WWOX: variants seen among roughly 807,000 people sequenced by gnomAD.
WWOX encodes WW domain-containing oxidoreductase.
In WWOX, 69 loss-of-function variants were observed where a neutral mutation model predicts 46.2. That is an observed-to-expected ratio of 1.49 (90% CI 1.23 to 1.82). The LOEUF (loss-of-function observed/expected upper bound fraction) is 1.82, where lower values mean the gene tolerates loss of function less well. Ranked by LOEUF, WWOX falls within the 40% of genes most tolerant of loss-of-function variation. The probability of loss-of-function intolerance (pLI) is 0.00; values close to 1 mark genes in which losing one functional copy is unlikely to be tolerated. For missense variants in WWOX, 919 were observed against 542.6 expected (o/e 1.69, Z -6.89); for synonymous variants, 359 against 202.6 (o/e 1.77, Z -6.56).
chr16:78,988,962 T>C (rs909205725), intron 8 of WWOX, among the ~76,000 whole-genome samples: 4 of 152,210 alleles, frequency 2.6e-5, no homozygotes, highest in Admixed American at 1.3e-4. Context: ...CTTCAGGAAC[T>C]AGGCAGGAGA....
intron 8 of WWOX, among the ~76,000 whole-genome samples, chr16:78,962,771 T>G (rs2046295403): frequency 6.6e-6 from 1 of 152,146 alleles, no homozygotes; most frequent in Non-Finnish European, 1.5e-5. Flanking sequence ...TTCTAACACC[T>G]CAGAAGGCTC....
intron 7 of WWOX, among the ~76,000 whole-genome samples, chr16:78,428,523 C>G (rs1420296552): frequency 6.6e-6 from 1 of 152,212 alleles, no homozygotes; most frequent in Non-Finnish European, 1.5e-5. Context: ...GCTGGTACTT[C>G]TCCATCTTGA....
chr16:79,075,764 C>T (rs1159505923), intron 8 of WWOX, among the ~76,000 whole-genome samples: 2 of 151,988 alleles, frequency 1.3e-5, no homozygotes, highest in African/African-American at 2.4e-5. Context: ...GGTGATTTTT[C>T]AAGTAAGGTA....
At chr16:78,443,135 C>CAAAAAAAAAA (rs759618827) in intron 8 of WWOX, among the ~76,000 whole-genome samples, 1 of 40,294 alleles carries the variant, frequency 2.5e-5, no homozygotes. Flanking sequence ...GACTCCATCT[C>CAAAAAAAAAA]AAAAAAAAAA....
Position 79,189,798 on chromosome 16 carries a change from GA to G in WWOX, c.1057-21809del, listed in dbSNP as rs200908855. Among the ~76,000 whole-genome samples the G allele has an allele frequency of 1.7e-3, 259 of 151,738 alleles. 3 individuals carry two copies. The East Asian group carries it at 0.019, about 11-fold the overall frequency. Reference sequence around the variant, plus strand: ...CACAGTTGTTACCTGCTCCCGGTGGGAGGGGGGGGATATTTATTTGGCATCT... The same window carrying G: ...CACAGTTGTTACCTGCTCCCGGTGGGGGGGGGGGATATTTATTTGGCATCT... On this transcript the variant is annotated intron_variant, in intron 8 of 8. Coordinates refer to ENST00000566780, the MANE Select transcript of WWOX (RefSeq NM_016373.4).
chr16:78,411,627 G>T (rs1324216458), intron 6 of WWOX, among the ~76,000 whole-genome samples: 2 of 152,168 alleles, frequency 1.3e-5, no homozygotes, highest in African/African-American at 4.8e-5. Flanking sequence ...ACCATTAAAA[G>T]TTTTTGAGAA....
At chr16:78,850,829 C>T (rs550649512) in intron 8 of WWOX, among the ~76,000 whole-genome samples, 1 of 152,238 alleles carries the variant, frequency 6.6e-6, no homozygotes, top group African/African-American at 2.4e-5. Flanking sequence ...CTAATGAGTT[C>T]TTAGTGTCTA....
chr16:78,212,181 A>T lies in WWOX; in HGVS notation c.516+47892A>T, dbSNP rs565492207. 4.0e-4 allele frequency among the ~76,000 whole-genome samples: 61 copies of T among 152,178 alleles called. 1 individual carries two copies. Among genetic ancestry groups the T allele is most frequent in the South Asian group, 2.3e-3 (11 of 4,836 alleles). The stretch of plus-strand genomic sequence containing the variant: ...GCTGTAGAGCTGCTGGGAGCATTTC[A>T]GCTCTCTGCTTCTTTGGCAGTCTAG... On this transcript the variant is annotated intron_variant, in intron 5 of 8. Coordinates refer to ENST00000566780, the MANE Select transcript of WWOX (RefSeq NM_016373.4).
At chr16:78,973,199 G>C (rs2046505726) in intron 8 of WWOX, among the ~76,000 whole-genome samples, 1 of 152,148 alleles carries the variant, frequency 6.6e-6, no homozygotes, top group African/African-American at 2.4e-5. Context: ...GAAAGATAAA[G>C]GCCCTTATTA....
At chr16:78,893,976 C>T (rs1349547378) in intron 8 of WWOX, among the ~76,000 whole-genome samples, 2 of 151,384 alleles carry the variant, frequency 1.3e-5, no homozygotes, top group African/African-American at 2.4e-5. Context: ...ATTTGAGTAC[C>T]AGGTATCCCT....
intron 8 of WWOX, among the ~76,000 whole-genome samples, chr16:78,574,490 G>A (rs1298386806): frequency 6.6e-6 from 1 of 152,046 alleles, no homozygotes; most frequent in Non-Finnish European, 1.5e-5. Flanking sequence ...GTTGTCGGTG[G>A]TTGCTTCCTT....
Position 79,162,775 on chromosome 16 carries a change from G to T in WWOX, c.1057-48833G>T, listed in dbSNP as rs1273078318. On this transcript the variant is annotated intron_variant, in intron 8 of 8. Transcript: ENST00000566780. ...CTGCAAATTTGCTGCCCTGGAAGCTGTGCTGGGGGAGCCAGTAGAGACTTC... is the reference window on the plus strand; with the variant it reads ...CTGCAAATTTGCTGCCCTGGAAGCTTTGCTGGGGGAGCCAGTAGAGACTTC... Among the ~76,000 whole-genome samples, 4 of 152,192 alleles carry T rather than the reference G, an allele frequency of 2.6e-5. No individual in the cohort carries two copies. In the East Asian group the frequency reaches 7.7e-4, roughly 29 times the overall value.
chr16:78,654,568 G>C (rs189125574), intron 8 of WWOX, among the ~76,000 whole-genome samples: 1 of 152,068 alleles, frequency 6.6e-6, no homozygotes, highest in Non-Finnish European at 1.5e-5. Flanking sequence ...TTCAGATTCT[G>C]ATTTCTCCGT....
Position 78,828,919 on chromosome 16 carries a change from A to T in WWOX, c.1057-382689A>T, listed in dbSNP as rs534994597. On this transcript the variant is annotated intron_variant, in intron 8 of 8. Coordinates refer to ENST00000566780, the MANE Select transcript of WWOX (RefSeq NM_016373.4). ...AGATGTAGTTTTCCCCCTTTTAGAGATAAGGTAATCAAAACTTATAGAGGT... is the reference window on the plus strand; with the variant it reads ...AGATGTAGTTTTCCCCCTTTTAGAGTTAAGGTAATCAAAACTTATAGAGGT... Among the ~76,000 whole-genome samples, 6 of 152,304 alleles carry T rather than the reference A, an allele frequency of 3.9e-5. No homozygotes were observed. In the East Asian group the frequency reaches 1.2e-3, roughly 29 times the overall value.
chr16:78,558,029 A>G (rs1241101550), intron 8 of WWOX, among the ~76,000 whole-genome samples: 1 of 152,098 alleles, frequency 6.6e-6, no homozygotes, highest in Non-Finnish European at 1.5e-5. Flanking sequence ...TGCCAAGCAC[A>G]TAGTCGGCCC....
intron 8 of WWOX, among the ~76,000 whole-genome samples, chr16:79,181,277 T>G (rs4888013): frequency 0.069 from 10,563 of 152,304 alleles, 380 homozygotes; most frequent in South Asian, 0.078. Flanking sequence ...CAAAAATTTT[T>G]AAAAATGCTT....
intron 8 of WWOX, among the ~76,000 whole-genome samples, chr16:78,653,517 A>G (rs1457619679): frequency 1.3e-5 from 2 of 152,220 alleles, no homozygotes; most frequent in Non-Finnish European, 2.9e-5. Context: ...GGTGCTTATG[A>G]GGAAGGTTTC....
At chr16:78,566,938 A>G (rs116847769) in intron 8 of WWOX, among the ~76,000 whole-genome samples, 3,630 of 152,278 alleles carry the variant, frequency 0.024, 248 homozygotes, top group Admixed American at 0.15. Context: ...ATCGATAGCA[A>G]TCATAGTAAT....
At chr16:78,564,455 A>T (rs2044514981) in intron 8 of WWOX, among the ~76,000 whole-genome samples, 1 of 152,166 alleles carries the variant, frequency 6.6e-6, no homozygotes, top group African/African-American at 2.4e-5. Flanking sequence ...ATATTCAAGA[A>T]ATTGAAGATC....
Sources: gnomAD v4.1 joint callset for allele counts (sites outside exome capture counted in the v4.1 genomes callset) on GRCh38, gnomAD v4.1.1 for gene constraint, MANE v1.5 for transcripts, NCBI Gene and HGNC (gene_info 2026-07-23, HGNC 2026-07-21) for gene names.